The following RNF185 variants were observed in gnomAD, a reference collection of about 807,000 sequenced individuals.
The protein encoded by RNF185 is E3 ubiquitin-protein ligase RNF185.
RNF185 carries 13 observed loss-of-function variants against 24.9 expected under a neutral mutation model. That is an observed-to-expected ratio of 0.52 (90% CI 0.34 to 0.83). The LOEUF (loss-of-function observed/expected upper bound fraction) is 0.83. Among genes scored for constraint, RNF185 ranks in the 40% least tolerant of loss-of-function variants. The pLI is 0.01. For synonymous variants in RNF185, 79 were observed against 90.3 expected (o/e 0.88, Z 0.71); for missense variants, 184 against 244.7 (o/e 0.75, Z 1.65).
chr22:31,166,332 T>C (rs978092461), intron 1 of RNF185, among the ~76,000 whole-genome samples: 6 of 152,036 alleles, frequency 3.9e-5, no homozygotes, highest in Admixed American at 3.3e-4. Flanking sequence ...CAGAAAAATC[T>C]CCCTCTCCCC....
intron 1 of RNF185, among the ~76,000 whole-genome samples, chr22:31,181,700 T>C (rs929475974): frequency 6.6e-6 from 1 of 152,126 alleles, no homozygotes; most frequent in East Asian, 1.9e-4. Flanking sequence ...TCATGTCCTT[T>C]GTAGGGACGT....
intron 1 of RNF185, among the ~76,000 whole-genome samples, chr22:31,185,285 G>C (rs761177083): frequency 1.3e-5 from 2 of 152,158 alleles, no homozygotes; most frequent in East Asian, 1.9e-4. Context: ...AGCTGGTATC[G>C]TGGTGAGGGA....
intron 1 of RNF185, among the ~76,000 whole-genome samples, chr22:31,179,360 C>T (rs5749225): frequency 0.043 from 6,495 of 152,264 alleles, 536 homozygotes; most frequent in East Asian, 0.37. Flanking sequence ...CTGCTGATTT[C>T]TGCCATGCCA....
chr22:31,187,754 G>C (rs760545045), intron 2 of RNF185, among the ~76,000 whole-genome samples: 2 of 152,184 alleles, frequency 1.3e-5, no homozygotes, highest in Non-Finnish European at 2.9e-5. Context: ...TAAATACTAT[G>C]TGTTAGCTAT....
chr22:31,203,364 A>G (rs1419006399), intron 6 of RNF185, among the ~76,000 whole-genome samples: 1 of 152,124 alleles, frequency 6.6e-6, no homozygotes, highest in Non-Finnish European at 1.5e-5. Context: ...TCTGGATCCT[A>G]GTTCTCTTCT....
intron 6 of RNF185, among the ~76,000 whole-genome samples, chr22:31,201,851 A>G (rs1443158022): frequency 6.6e-6 from 1 of 152,194 alleles, no homozygotes; most frequent in Non-Finnish European, 1.5e-5. Context: ...TCAGGGGATC[A>G]TCACAACCAC....
chr22:31,182,690 A>G (rs1287984482), intron 1 of RNF185, among the ~76,000 whole-genome samples: 1 of 151,970 alleles, frequency 6.6e-6, no homozygotes, highest in African/African-American at 2.4e-5. Flanking sequence ...GTTTGTTTGA[A>G]TCTTGTTCCA....
At chr22:31,163,057 T>C (rs556520191) in intron 1 of RNF185, among the ~76,000 whole-genome samples, 1 of 152,062 alleles carries the variant, frequency 6.6e-6, no homozygotes, top group East Asian at 1.9e-4. Flanking sequence ...AGCCACCACG[T>C]CTGGCCTGCT....
chr22:31,167,384 A>G (rs1217544956), intron 1 of RNF185, among the ~76,000 whole-genome samples: 1 of 152,052 alleles, frequency 6.6e-6, no homozygotes, highest in Admixed American at 6.6e-5. Context: ...TAAATTCACA[A>G]TGTTGTATAA....
chr22:31,182,378 C>G (rs901819380), intron 1 of RNF185, among the ~76,000 whole-genome samples: 2 of 152,168 alleles, frequency 1.3e-5, no homozygotes, highest in Non-Finnish European at 2.9e-5. Flanking sequence ...ACTTCCGCCT[C>G]GCAAGCTTAA....
rs1374532572 is a variant in RNF185, at chr22:31,196,865, G to A, written c.309-71G>A. The A allele has an allele frequency of 3.1e-6, 5 of 1,587,554 alleles. No homozygotes were observed. The African/African-American group carries it at 5.4e-5, about 17-fold the overall frequency. ...ATGGCCCTGACCCTGTTGGTAAAGA[G>A]CTCCAGGTCCTCACAGGGAGCAACT... On this transcript the variant is annotated intron_variant, in intron 4 of 6. Coordinates refer to ENST00000326132, the MANE Select transcript of RNF185 (RefSeq NM_152267.4).
chr22:31,182,036 C>T (rs2048042662), intron 1 of RNF185, among the ~76,000 whole-genome samples: 1 of 148,972 alleles, frequency 6.7e-6, no homozygotes, highest in Admixed American at 6.7e-5. Flanking sequence ...AAATGTGTCT[C>T]TAGCAGATCA....
At chr22:31,202,607 CTTTTTTTT>C (rs71202049) in intron 6 of RNF185, among the ~76,000 whole-genome samples, 1 of 83,758 alleles carries the variant, frequency 1.2e-5, no homozygotes, top group Non-Finnish European at 2.1e-5. Context: ...TTGGGAATGC[CTTTTTTTT>C]TTTTTTTTTT....
At chr22:31,201,040 G>T (rs544217016) in intron 5 of RNF185, among the ~76,000 whole-genome samples, 116 of 150,822 alleles carry the variant, frequency 7.7e-4, no homozygotes, top group Middle Eastern at 3.4e-3. Flanking sequence ...GACTTCCATT[G>T]TTGGCTAATT....
intron 5 of RNF185, among the ~76,000 whole-genome samples, chr22:31,199,876 G>C (rs1473730090): frequency 1.3e-5 from 2 of 152,244 alleles, no homozygotes; most frequent in African/African-American, 4.8e-5. Context: ...TGATCAGTGT[G>C]TGATGGAGAG....
chr22:31,174,867 C>G (rs1035322744), intron 1 of RNF185, among the ~76,000 whole-genome samples: 1 of 151,302 alleles, frequency 6.6e-6, no homozygotes, highest in Non-Finnish European at 1.5e-5. Context: ...GTCAGGAGTT[C>G]GAGACCAGCT....
rs115688601 is a variant in RNF185 at position 31,195,321 on chromosome 22, G to A, written c.196-148G>A. 2.7e-3 allele frequency: 1,530 copies of A among 571,532 alleles called. 23 individuals carry two copies. The highest frequency in any genetic ancestry group is 0.026 in the African/African-American group (1,408 of 53,366). The allele number at this position is 571,532 out of a possible 1,614,324, so 35.4% of individuals were successfully genotyped here. On this transcript the variant is annotated intron_variant, in intron 3 of 6. Transcript: ENST00000326132. The stretch of plus-strand genomic sequence containing the variant: ...GGTATTTGCTGAATGGTAGGAGAAG[G>A]AATGGGAGTCAGGTTCCTTGAGATG...
intron 1 of RNF185, among the ~76,000 whole-genome samples, chr22:31,164,450 G>T (rs1923779403): frequency 1.3e-5 from 2 of 152,072 alleles, no homozygotes; most frequent in Non-Finnish European, 2.9e-5. Flanking sequence ...CTAATCTAGA[G>T]ACTTTATTCA....
chr22:31,179,294 G>C (rs527380003), intron 1 of RNF185, among the ~76,000 whole-genome samples: 2 of 152,296 alleles, frequency 1.3e-5, no homozygotes, highest in Middle Eastern at 3.4e-3. Context: ...CACTGTCCCA[G>C]TCCTGGTAGA....
Sources: allele counts gnomAD v4.1 joint callset (sites outside exome capture counted in the v4.1 genomes callset), GRCh38; gene constraint gnomAD v4.1.1; transcripts MANE v1.5; gene names NCBI Gene and HGNC (gene_info 2026-07-23, HGNC 2026-07-21).